MET: variants seen among roughly 807,000 people sequenced by gnomAD.
MET encodes MET proto-oncogene, receptor tyrosine kinase, also known as hepatocyte growth factor receptor.
In MET, 48 loss-of-function variants were observed where a neutral mutation model predicts 133.1. The observed-to-expected ratio is 0.36, with a 90% CI of 0.29 to 0.46. The LOEUF (loss-of-function observed/expected upper bound fraction) is 0.46, where lower values mean the gene tolerates loss of function less well. MET is among the 20% of genes least tolerant of loss of function. MET has a pLI of 1.00. For synonymous variants in MET, 628 were observed against 616.5 expected (o/e 1.02, Z -0.28); for missense variants, 1,442 against 1,695.9 (o/e 0.85, Z 2.63).
chr7:116,755,269 A>G (rs1362506145), intron 5 of MET, 86 bp from the exon 6 acceptor site: 5 of 1,420,996 alleles, frequency 3.5e-6, no homozygotes, highest in Non-Finnish European at 4.9e-6. Context: ...CTATTTAAGG[A>G]TATACATTTT....
intron 2 of MET, chr7:116,724,204 G>C (rs1481160556): frequency 6.0e-6 from 1 of 165,768 alleles, no homozygotes; most frequent in Non-Finnish European, 1.3e-5. Flanking sequence ...TTTTTAAGCC[G>C]GTCCGAAAAG....
intron 2 of MET, among the ~76,000 whole-genome samples, chr7:116,712,654 A>G (rs1721467232): frequency 6.6e-6 from 1 of 152,156 alleles, no homozygotes; most frequent in Non-Finnish European, 1.5e-5. Flanking sequence ...GCACTGGAGA[A>G]AAACTGGGGA....
At chr7:116,785,494 A>G (rs141329901) in intron 19 of MET, among the ~76,000 whole-genome samples, 102 of 152,310 alleles carry the variant, frequency 6.7e-4, no homozygotes, top group African/African-American at 2.3e-3. Context: ...ACACACTTTT[A>G]AACAACCAGA....
rs372604482 is a variant in MET, at chr7:116,793,772, G to A, written c.3799-1883G>A. ...AAATTAGCCTGGCATGGTGGCAGGC[G>A]CCTATAATCCCAGCTACTCAGGAGG... On this transcript the variant is annotated intron_variant, in intron 19 of 20. Transcript: ENST00000397752. Among the ~76,000 whole-genome samples, 18 of 151,884 alleles carry A rather than the reference G, an allele frequency of 1.2e-4. No individual in the cohort carries two copies. In the East Asian group the frequency reaches 2.9e-3, roughly 25 times the overall value.
chr7:116,769,509 A>G, intron 11 of MET, 136 bp from the exon 12 acceptor site: 1 of 1,065,440 alleles, frequency 9.4e-7, no homozygotes, highest in South Asian at 1.5e-5. Flanking sequence ...TCCCATGAAA[A>G]TTAGTATCAT....
chr7:116,782,516 C>G (rs1795187531), intron 18 of MET, among the ~76,000 whole-genome samples: 1 of 152,140 alleles, frequency 6.6e-6, no homozygotes, highest in African/African-American at 2.4e-5. Context: ...GAAGCCCTAC[C>G]AAAAATGGTA....
In MET at chr7:116,731,622, T is replaced by A. The variant is rs745950412; in HGVS notation, c.1201-46T>A. Reference sequence around the variant, plus strand: ...CACTGAAAGGTTTCTTACCAGCTTGTTCATGTCTGGATTCACATTAACTCT... The same window carrying A: ...CACTGAAAGGTTTCTTACCAGCTTGATCATGTCTGGATTCACATTAACTCT... On this transcript the variant is annotated intron_variant, in intron 2 of 20. Transcript: ENST00000397752. 6 of 1,600,168 alleles carry A rather than the reference T, an allele frequency of 3.7e-6. No individual in the cohort carries two copies. The South Asian group carries it at 5.5e-5, about 15-fold the overall frequency.
At chr7:116,748,908 G>GTTC (rs1793807302) in intron 5 of MET, among the ~76,000 whole-genome samples, 3 of 152,142 alleles carry the variant, frequency 2.0e-5, no homozygotes, top group Non-Finnish European at 2.9e-5. Context: ...AAACTAGGAA[G>GTTC]AAGTTGAATC....
Position 116,704,490 on chromosome 7 carries a change from G to A in MET, c.1200+4206G>A, listed in dbSNP as rs17138950. Among the ~76,000 whole-genome samples the A allele has an allele frequency of 8.7e-3, 1,318 of 152,200 alleles. 22 individuals are homozygous for A. The highest frequency in any genetic ancestry group is 0.028 in the African/African-American group (1,173 of 41,544). On this transcript the variant is annotated intron_variant, in intron 2 of 20. Transcript: ENST00000397752. ...AGCTATTATTGTAAGGAATACTTGC[G>A]TAAAGAAAGACAAATTCAAATGATT...
chr7:116,775,966 A>C (rs1584958681), intron 15 of MET, among the ~76,000 whole-genome samples: 1 of 152,358 alleles, frequency 6.6e-6, no homozygotes, highest in East Asian at 1.9e-4. Flanking sequence ...GTAATAAGCT[A>C]GCCAAAGCAG....
At chr7:116,744,189 T>G (rs911557796) in intron 5 of MET, among the ~76,000 whole-genome samples, 1 of 151,914 alleles carries the variant, frequency 6.6e-6, no homozygotes, top group African/African-American at 2.4e-5. Context: ...GAGAATGAGT[T>G]TAACAAATTG....
rs533373216 is a variant in MET at position 116,713,374 on chromosome 7, G to A, written c.1200+13090G>A. Among the ~76,000 whole-genome samples the A allele has an allele frequency of 2.3e-3, 336 of 147,640 alleles. 1 individual carries two copies. Among genetic ancestry groups the A allele is most frequent in the African/African-American group, 3.5e-3 (138 of 39,598 alleles). ...CCCGCCACTGCACTCCAGCCTGGGC[G>A]ACAGAGCGAGACTCCGTCTCAAAAA... On this transcript the variant is annotated intron_variant, in intron 2 of 20. Transcript: ENST00000397752.
At chr7:116,789,138 A>G (rs776654237) in intron 19 of MET, among the ~76,000 whole-genome samples, 9 of 152,068 alleles carry the variant, frequency 5.9e-5, no homozygotes, top group Non-Finnish European at 1.2e-4. Flanking sequence ...TGAAACTTCC[A>G]GTTTTCCTCC....
intron 5 of MET, among the ~76,000 whole-genome samples, chr7:116,751,950 A>G (rs982153478): frequency 6.6e-6 from 1 of 152,026 alleles, no homozygotes; most frequent in Admixed American, 6.6e-5. Flanking sequence ...AGTACCAGCT[A>G]CTCGGGAGGC....
intron 1 of MET, among the ~76,000 whole-genome samples, chr7:116,680,285 T>C (rs1796303111): frequency 6.6e-6 from 1 of 152,198 alleles, no homozygotes; most frequent in Non-Finnish European, 1.5e-5. Context: ...AACCAAACCA[T>C]CAGTAATAAA....
intron 11 of MET, among the ~76,000 whole-genome samples, chr7:116,769,172 C>T (rs1286558982): frequency 6.6e-6 from 1 of 152,172 alleles, no homozygotes; most frequent in African/African-American, 2.4e-5. Flanking sequence ...AACATCAGAT[C>T]TCTGGAGATG....
Position 116,781,974 on chromosome 7 carries a change from C to T in MET, c.3523-14C>T, listed in dbSNP as rs765512275. The T allele has an allele frequency of 3.2e-6, 5 of 1,540,542 alleles. No individual in the cohort carries two copies. The highest frequency in any genetic ancestry group is 3.6e-6 in the Non-Finnish European group (4 of 1,113,828). ...ATGCTTAGTTTATGCTTTTCTAACTCTCTTTGACTGCAGAATCCAACTGTA... is the reference window on the plus strand; with the variant it reads ...ATGCTTAGTTTATGCTTTTCTAACTTTCTTTGACTGCAGAATCCAACTGTA... On this transcript the variant is annotated splice_polypyrimidine_tract_variant and intron_variant, in intron 17 of 20. Coordinates refer to ENST00000397752, the MANE Select transcript of MET (RefSeq NM_000245.4).
chr7:116,680,086 C>CG lies in MET; in HGVS notation c.-15+7516dup, dbSNP rs374292243. On this transcript the variant is annotated intron_variant, in intron 1 of 20. Coordinates refer to ENST00000397752, the MANE Select transcript of MET (RefSeq NM_000245.4). ...GGCAATTTCTTATATCTTGAGGGGG[C>CG]GGGGGGGTAAAAGGAAAATTGTGTT... 1.5e-3 allele frequency among the ~76,000 whole-genome samples: 225 copies of CG among 145,998 alleles called. 2 individuals are homozygous for CG. Among genetic ancestry groups the CG allele is most frequent in the South Asian group, 0.014 (63 of 4,578 alleles).
chr7:116,738,948 C>T (rs1793343638), intron 3 of MET, among the ~76,000 whole-genome samples: 3 of 152,198 alleles, frequency 2.0e-5, no homozygotes, highest in Non-Finnish European at 2.9e-5. Flanking sequence ...ATACCCATCG[C>T]GAGTAAATGC....
Sources: gnomAD v4.1 joint callset for allele counts (sites outside exome capture counted in the v4.1 genomes callset) on GRCh38, gnomAD v4.1.1 for gene constraint, MANE v1.5 for transcripts, NCBI Gene and HGNC (gene_info 2026-07-23, HGNC 2026-07-21) for gene names.